The following GABBR2 variants were observed in gnomAD, a reference collection of about 807,000 sequenced individuals.
GABBR2 encodes the protein gamma-aminobutyric acid type B receptor subunit 2.
Under a neutral mutation model 105.6 loss-of-function variants are expected in GABBR2, and 23 were observed. The ratio of observed to expected loss-of-function variants is 0.22; its 90% CI spans 0.16 to 0.31. The LOEUF is 0.31. Among genes scored for constraint, GABBR2 ranks in the 10% least tolerant of loss-of-function variants. The pLI is 1.00. For synonymous variants in GABBR2, 478 were observed against 499.7 expected, an observed-to-expected ratio of 0.96 and a Z score of 0.58; for missense variants, 734 against 1,245.5, an observed-to-expected ratio of 0.59 and a Z score of 6.18.
At chr9:98,478,838 C>T (rs752176593) in intron 5 of GABBR2, among the ~76,000 whole-genome samples, 1 of 152,112 alleles carries the variant, frequency 6.6e-6, no homozygotes, top group Non-Finnish European at 1.5e-5. Flanking sequence ...CTTCATAGAT[C>T]ATTTTTATTA....
At chr9:98,566,845 AAAGAAGAAGAAAGAAG>A (rs1828758955) in intron 2 of GABBR2, among the ~76,000 whole-genome samples, 1 of 151,426 alleles carries the variant, frequency 6.6e-6, no homozygotes, top group Non-Finnish European at 1.5e-5. Flanking sequence ...AAGAAATAAG[AAAGAAGAAGAAAGAAG>A]AAGAAGAAGA....
intron 12 of GABBR2, among the ~76,000 whole-genome samples, chr9:98,370,371 G>T (rs1831757110): frequency 6.6e-6 from 1 of 152,148 alleles, no homozygotes; most frequent in Non-Finnish European, 1.5e-5. Context: ...AAGCGCCCCA[G>T]GAGTCTAAAG....
chr9:98,398,346 G>T (rs1471113259), intron 8 of GABBR2, among the ~76,000 whole-genome samples: 1 of 150,560 alleles, frequency 6.6e-6, no homozygotes, highest in African/African-American at 2.5e-5. Context: ...CTCAGGCATA[G>T]AAAAGAGCTC....
At chr9:98,444,961 A>T (rs979296745) in intron 7 of GABBR2, among the ~76,000 whole-genome samples, 8 of 152,370 alleles carry the variant, frequency 5.3e-5, no homozygotes, top group African/African-American at 1.7e-4. Context: ...GGTAATCACT[A>T]TTAGCAGATT....
intron 13 of GABBR2, among the ~76,000 whole-genome samples, chr9:98,331,693 C>T (rs1162822609): frequency 2.6e-5 from 4 of 152,094 alleles, no homozygotes; most frequent in East Asian, 1.9e-4. Flanking sequence ...CTGAGCTCCA[C>T]GAAGTCTTCT....
intron 3 of GABBR2, among the ~76,000 whole-genome samples, chr9:98,498,858 A>G (rs1225049810): frequency 6.6e-6 from 1 of 152,252 alleles, no homozygotes. Context: ...TTTGAGCAGC[A>G]CGAGGTGTTG....
At chr9:98,562,964 G>A (rs961026109) in intron 2 of GABBR2, among the ~76,000 whole-genome samples, 7 of 149,630 alleles carry the variant, frequency 4.7e-5, no homozygotes, top group African/African-American at 7.4e-5. Context: ...CAGCTACTTG[G>A]GGGGCTGAGG....
rs373451436 is a variant in GABBR2, at chr9:98,593,389, C to T, written c.322-15317G>A. On this transcript the variant is annotated intron_variant, in intron 1 of 18. Transcript: ENST00000259455. ...GTTATTCAAGTGAGGAAGGGCAGGG[C>T]GTGGGGAGGGGTGAGAGACCAGTGC... 5.1e-3 allele frequency among the ~76,000 whole-genome samples: 770 copies of T among 152,078 alleles called. 8 individuals carry two copies. Among genetic ancestry groups the T allele is most frequent in the African/African-American group, 0.017 (704 of 41,486 alleles).
At chr9:98,315,646 G>C (rs545674103) in intron 13 of GABBR2, among the ~76,000 whole-genome samples, 1 of 152,342 alleles carries the variant, frequency 6.6e-6, no homozygotes, top group South Asian at 2.1e-4. Context: ...GCAGGGGCAG[G>C]TGGGCTACCC....
Position 98,621,000 on chromosome 9 carries a change from A to G in GABBR2, c.322-42928T>C, listed in dbSNP as rs540221331. Reference sequence around the variant, plus strand: ...ACAACGGCAGGCACAGCAATGGCTCAGTGGGGGAAAAAAAAGCTATTATTG... The same window carrying G: ...ACAACGGCAGGCACAGCAATGGCTCGGTGGGGGAAAAAAAAGCTATTATTG... On this transcript the variant is annotated intron_variant, in intron 1 of 18. Coordinates refer to ENST00000259455, the MANE Select transcript of GABBR2 (RefSeq NM_005458.8). Among the ~76,000 whole-genome samples, 3 of 152,300 alleles carry G rather than the reference A, an allele frequency of 2.0e-5. No individual in the cohort carries two copies. In the East Asian group the frequency reaches 5.8e-4, roughly 29 times the overall value.
rs1554718742 is a variant in GABBR2 at position 98,576,933 on chromosome 9, T to TGGATGGATGGATGGATGGATGGATGGAA, written c.459+1001_459+1002insTTCCATCCATCCATCCATCCATCCATCC. Among the ~76,000 whole-genome samples, 14 of 145,542 alleles carry TGGATGGATGGATGGATGGATGGATGGAA rather than the reference T, an allele frequency of 9.6e-5. No homozygotes were observed. The East Asian group carries it at 1.1e-3, about 11-fold the overall frequency. ...ATGGATGGATGGATGGATGGATGGA[T>TGGATGGATGGATGGATGGATGGATGGAA]GGATGGATGGATGGATGGATAGGTG... is the stretch of plus-strand genomic sequence containing the variant. On this transcript the variant is annotated intron_variant, in intron 2 of 18. Coordinates refer to ENST00000259455, the MANE Select transcript of GABBR2 (RefSeq NM_005458.8).
At chr9:98,303,526 A>C (rs1244837664) in intron 15 of GABBR2, 103 bp from the exon 16 acceptor site, 1 of 983,734 alleles carries the variant, frequency 1.0e-6, no homozygotes, top group African/African-American at 1.6e-5. Context: ...TGGAGGCGAT[A>C]AGAGGCCCCA....
At chr9:98,400,866 TG>T (rs978953801) in intron 8 of GABBR2, among the ~76,000 whole-genome samples, 1 of 151,784 alleles carries the variant, frequency 6.6e-6, no homozygotes, top group African/African-American at 2.4e-5. Flanking sequence ...TGCCTTTCCT[TG>T]GGGGAGGTAG....
In GABBR2 at chr9:98,303,363, G is replaced by C. The variant is rs1830500205; in HGVS notation, c.2290C>G (p.Gln764Glu). The change falls in exon 16 of 19, where the codon CAG becomes GAG. Residue 764 changes from glutamine to glutamate, a missense_variant. Physicochemically the swap from Gln to Glu is conservative, Grantham distance 29. Around this residue, in one of 7 missense-constraint regions of GABBR2, gnomAD observed 91 missense variants for 185.9 expected, o/e 0.49. Transcript: ENST00000259455. ...TTAGAATCTTCTTTCTTCTGATTCTGAGTGAACTGGAATCGCCTGTTCTGC... is the reference window on the plus strand; with the variant it reads ...TTAGAATCTTCTTTCTTCTGATTCTCAGTGAACTGGAATCGCCTGTTCTGC... Reference protein sequence around the residue: ...ATQNRRFQFTQNQKKEDSKTS... With the variant: ...ATQNRRFQFTENQKKEDSKTS... The C allele has an allele frequency of 6.2e-7, 1 of 1,613,968 alleles. No homozygotes were observed.
intron 1 of GABBR2, among the ~76,000 whole-genome samples, chr9:98,683,097 C>G (rs1448079960): frequency 6.6e-6 from 1 of 152,102 alleles, no homozygotes; most frequent in African/African-American, 2.4e-5. Flanking sequence ...TCTCTTTCCC[C>G]CCTCCACCTC....
chr9:98,540,270 G>A (rs1324399781), intron 3 of GABBR2, among the ~76,000 whole-genome samples: 2 of 152,160 alleles, frequency 1.3e-5, no homozygotes, highest in African/African-American at 2.4e-5. Flanking sequence ...CACTTTTCAC[G>A]CACCTCCAAA....
intron 13 of GABBR2, among the ~76,000 whole-genome samples, chr9:98,350,988 T>C (rs1831389367): frequency 6.6e-6 from 1 of 152,198 alleles, no homozygotes; most frequent in Non-Finnish European, 1.5e-5. Flanking sequence ...TTATGTCATG[T>C]TCTCCTTTGT....
chr9:98,403,243 G>A (rs139839912), intron 8 of GABBR2, among the ~76,000 whole-genome samples: 4,150 of 138,172 alleles, frequency 0.03, 169 homozygotes, highest in African/African-American at 0.094. Flanking sequence ...GCAGTGAGCC[G>A]AGATTGTGCC....
chr9:98,518,843 T>C (rs1196771269), intron 3 of GABBR2, among the ~76,000 whole-genome samples: 1 of 152,064 alleles, frequency 6.6e-6, no homozygotes, highest in Non-Finnish European at 1.5e-5. Context: ...CCCCATCCTG[T>C]AGAGGTGCTG....
Sources: allele counts gnomAD v4.1 joint callset (sites outside exome capture counted in the v4.1 genomes callset), GRCh38; gene constraint gnomAD v4.1.1; regional missense constraint gnomAD v4.1.1; transcripts MANE v1.5; gene names NCBI Gene and HGNC (gene_info 2026-07-23, HGNC 2026-07-21).